DEPTOR: variants seen among roughly 807,000 people sequenced by gnomAD.
The protein encoded by DEPTOR is DEP domain-containing mTOR-interacting protein.
In DEPTOR, 41 loss-of-function variants were observed where a neutral mutation model predicts 41.6. The ratio of observed to expected loss-of-function variants is 0.98; its 90% CI spans 0.77 to 1.28. The LOEUF (loss-of-function observed/expected upper bound fraction) is 1.28, where lower values mean the gene tolerates loss of function less well. Among genes scored for constraint, DEPTOR ranks in the 50% most tolerant of loss-of-function variants. DEPTOR has a pLI of 0.00. For synonymous variants in DEPTOR, 195 were observed against 192.3 expected (o/e 1.01, Z -0.12); for missense variants, 514 against 527.9 (o/e 0.97, Z 0.26).
intron 8 of DEPTOR, among the ~76,000 whole-genome samples, chr8:120,025,894 G>C (rs180704352): frequency 5.7e-4 from 86 of 151,850 alleles, no homozygotes; most frequent in Admixed American, 1.2e-3. Flanking sequence ...TGGCCCAAAC[G>C]GTCCTACCTG....
chr8:119,883,642 G>A (rs926712591), intron 1 of DEPTOR, among the ~76,000 whole-genome samples: 9 of 152,134 alleles, frequency 5.9e-5, no homozygotes, highest in African/African-American at 1.9e-4. Flanking sequence ...GGAGGCTCAA[G>A]GCTCAAGTCT....
intron 1 of DEPTOR, among the ~76,000 whole-genome samples, chr8:119,921,602 C>T (rs918792258): frequency 1.3e-5 from 2 of 152,114 alleles, no homozygotes; most frequent in African/African-American, 4.8e-5. Context: ...GGAAATGTAC[C>T]AGGACCCAGT....
At chr8:119,960,228 A>AAAAAAAC (rs557948568) in intron 3 of DEPTOR, among the ~76,000 whole-genome samples, 1 of 152,092 alleles carries the variant, frequency 6.6e-6, no homozygotes, top group African/African-American at 2.4e-5. Context: ...CCTCTCAAAA[A>AAAAAAAC]AAAAAACAAA....
chr8:120,041,281 G>T (rs1026234445), intron 8 of DEPTOR, among the ~76,000 whole-genome samples: 1 of 152,262 alleles, frequency 6.6e-6, no homozygotes, highest in Non-Finnish European at 1.5e-5. Flanking sequence ...GTGATGGGAC[G>T]CCAGCCTATA....
At chr8:119,885,467 T>A (rs1827352214) in intron 1 of DEPTOR, among the ~76,000 whole-genome samples, 1 of 152,206 alleles carries the variant, frequency 6.6e-6, no homozygotes, top group African/African-American at 2.4e-5. Context: ...ACATTGCCAA[T>A]TACATTCTAC....
At chr8:119,973,607 C>T (rs1197318279) in intron 4 of DEPTOR, among the ~76,000 whole-genome samples, 1 of 152,130 alleles carries the variant, frequency 6.6e-6, no homozygotes, top group Non-Finnish European at 1.5e-5. Flanking sequence ...ATTTTAGCAG[C>T]CTTAAATGGA....
intron 8 of DEPTOR, among the ~76,000 whole-genome samples, chr8:120,029,275 G>A (rs988595329): frequency 1.3e-5 from 2 of 151,934 alleles, no homozygotes; most frequent in Admixed American, 6.6e-5. Flanking sequence ...GTTCTCTTTG[G>A]GCAACGGACA....
intron 1 of DEPTOR, among the ~76,000 whole-genome samples, chr8:119,920,665 C>G (rs1827877912): frequency 6.6e-6 from 1 of 152,136 alleles, no homozygotes; most frequent in Admixed American, 6.6e-5. Context: ...CAAGGAAGCT[C>G]AAGAGGCGAT....
intron 8 of DEPTOR, among the ~76,000 whole-genome samples, chr8:120,034,171 T>A (rs1014683440): frequency 6.6e-6 from 1 of 151,976 alleles, no homozygotes; most frequent in Non-Finnish European, 1.5e-5. Flanking sequence ...AAGAGGTTGC[T>A]CCATGCTCAG....
Position 120,014,524 on chromosome 8 carries a change from G to C in DEPTOR, c.1101+5391G>C, listed in dbSNP as rs59461885. On this transcript the variant is annotated intron_variant, in intron 8 of 8. Transcript: ENST00000286234. ...AAAGGGAAGCCAGTTCCTTCCCCAAGCTATTTTTTTTTCCCTTTTTTTAGA... is the reference window on the plus strand; with the variant it reads ...AAAGGGAAGCCAGTTCCTTCCCCAACCTATTTTTTTTTCCCTTTTTTTAGA... Among the ~76,000 whole-genome samples the C allele has an allele frequency of 2.9e-3, 439 of 152,164 alleles. 3 individuals are homozygous for C. The highest frequency in any genetic ancestry group is 0.01 in the African/African-American group (421 of 41,526).
rs56019998 is a variant in DEPTOR, at chr8:119,944,801, C to T, written c.425+14863C>T. On this transcript the variant is annotated intron_variant, in intron 3 of 8. Transcript: ENST00000286234. ...TCCTGAGTAGCTGGGACTACAGGTG[C>T]GCACCACCAAGCCCAGCTAATTTTT... Among the ~76,000 whole-genome samples the T allele has an allele frequency of 3.3e-3, 506 of 151,916 alleles. 2 individuals are homozygous for T. The highest frequency in any genetic ancestry group is 6.1e-3 in the Non-Finnish European group (416 of 67,958).
At chr8:119,924,619 G>A (rs9987139) in intron 1 of DEPTOR, among the ~76,000 whole-genome samples, 42,579 of 151,722 alleles carry the variant, frequency 0.28, 6,341 homozygotes, top group Middle Eastern at 0.39. Context: ...TTCAATGGGT[G>A]GAGAGTATTT....
chr8:120,004,029 TC>T (rs1812395979), intron 6 of DEPTOR, among the ~76,000 whole-genome samples: 1 of 152,196 alleles, frequency 6.6e-6, no homozygotes, highest in South Asian at 2.1e-4. Context: ...GAGGCTCTGT[TC>T]CTTTTGTTCA....
chr8:119,983,322 C>T (rs1346477061), intron 4 of DEPTOR, among the ~76,000 whole-genome samples: 1 of 151,712 alleles, frequency 6.6e-6, no homozygotes, highest in Non-Finnish European at 1.5e-5. Flanking sequence ...GCAATCTTGG[C>T]TTACTGCAAC....
chr8:120,001,655 C>T lies in DEPTOR; in HGVS notation c.735C>T (p.Pro245=). The T allele has an allele frequency of 6.2e-7, 1 of 1,614,036 alleles. No individual in the cohort carries two copies. Among genetic ancestry groups the T allele is most frequent in the Non-Finnish European group, 8.5e-7 (1 of 1,179,976 alleles). ...SPSSQETHDS[P]FCLRKQSHDN... ...CCTCCCAGGAAACTCATGACAGTCCCTTCTGCCTGAGGAAGCAGAGCCATG... is the reference window on the plus strand; with the variant it reads ...CCTCCCAGGAAACTCATGACAGTCCTTTCTGCCTGAGGAAGCAGAGCCATG... Residue 245 remains proline, a synonymous_variant, in exon 5 of 9, where the codon CCC becomes CCT. Coordinates refer to ENST00000286234, the MANE Select transcript of DEPTOR (RefSeq NM_022783.4).
chr8:119,888,015 C>T (rs1586599252), intron 1 of DEPTOR, among the ~76,000 whole-genome samples: 1 of 152,014 alleles, frequency 6.6e-6, no homozygotes, highest in African/African-American at 2.4e-5. Context: ...GAGTCGACAT[C>T]TCACTGTATT....
At chr8:119,988,412 G>A (rs1006673360) in intron 4 of DEPTOR, among the ~76,000 whole-genome samples, 1 of 152,158 alleles carries the variant, frequency 6.6e-6, no homozygotes, top group Admixed American at 6.5e-5. Context: ...CCCACCTTCT[G>A]CGTTGATCTC....
chr8:120,041,139 G>A (rs144474619), intron 8 of DEPTOR, among the ~76,000 whole-genome samples: 21 of 152,272 alleles, frequency 1.4e-4, no homozygotes, highest in African/African-American at 4.8e-4. Context: ...TGACATGAAT[G>A]CAACAATTTC....
chr8:120,046,392 T>A (rs1278095319), intron 8 of DEPTOR, among the ~76,000 whole-genome samples: 1 of 150,092 alleles, frequency 6.7e-6, no homozygotes, highest in Non-Finnish European at 1.5e-5. Flanking sequence ...TAATCAATAA[T>A]CTACTTGCTG....
Sources: gnomAD v4.1 joint callset for allele counts (sites outside exome capture counted in the v4.1 genomes callset) on GRCh38, gnomAD v4.1.1 for gene constraint, MANE v1.5 for transcripts, NCBI Gene and HGNC (gene_info 2026-07-23, HGNC 2026-07-21) for gene names.